Variants in MTO1 observed in about 807,000 individuals in gnomAD.
MTO1 encodes the protein mitochondrial tRNA translation optimization 1, also known as 5-taurinomethyluridine-[tRNA] synthase subunit MTO1, mitochondrial.
A neutral mutation model predicts 71.6 loss-of-function variants in MTO1; 46 were observed. That is an observed-to-expected ratio of 0.64 (90% confidence interval 0.51 to 0.82). The LOEUF (loss-of-function observed/expected upper bound fraction) is 0.82, where lower values mean the gene tolerates loss of function less well. MTO1 is among the 40% of genes least tolerant of loss of function. The pLI, the probability that MTO1 is intolerant of heterozygous loss-of-function variation, is 0.00. For synonymous variants in MTO1, 297 were observed against 312.1 expected (o/e 0.95, Z 0.51); for missense variants, 773 against 867.5 (o/e 0.89, Z 1.37).
At position 73,462,232 on chromosome 6, in the gene MTO1, G is replaced by T. The variant is rs948781664; in HGVS notation, c.217+161G>T. 15 of 749,846 alleles carry T rather than the reference G, an allele frequency of 2.0e-5. No individual in the cohort carries two copies. The East Asian group carries it at 4.1e-4, about 20-fold the overall frequency. 46.4% of individuals were successfully genotyped at this position (749,846 alleles called of 1,614,324 possible). A position where few individuals can be genotyped will look rare whatever the true frequency, so the allele number is the denominator to read the frequency against. On this transcript the variant is annotated intron_variant, in intron 1 of 11. Transcript: ENST00000498286. ...ATCAGTGTCTCGCAAGGATCAGGCG[G>T]GCCAGGCCAGAACTCTATATTAGTC...
At chr6:73,490,827 C>G (rs1289729139) in intron 9 of MTO1, among the ~76,000 whole-genome samples, 1 of 151,500 alleles carries the variant, frequency 6.6e-6, no homozygotes, top group Non-Finnish European at 1.5e-5. Context: ...AGTGACCTAG[C>G]TAGGTCCATT....
At chr6:73,488,952 A>G (rs1771733748) in intron 9 of MTO1, among the ~76,000 whole-genome samples, 1 of 152,152 alleles carries the variant, frequency 6.6e-6, no homozygotes, top group African/African-American at 2.4e-5. Context: ...AAATGGATCT[A>G]GTTCCATTTG....
rs1285717715 is a variant in MTO1 at position 73,503,949 on chromosome 6, TCC to T, written c.*3215_*3216del. 6.6e-6 allele frequency: 1 copy of T among 152,128 alleles called. No homozygotes were observed. Among genetic ancestry groups the T allele is most frequent in the Non-Finnish European group, 1.5e-5 (1 of 68,016 alleles). The allele number at this position is 152,128 out of a possible 1,614,324, so 9.4% of individuals were successfully genotyped here. A position where few individuals can be genotyped will look rare whatever the true frequency, so the allele number is the denominator to read the frequency against. On this transcript the variant is annotated 3_prime_UTR_variant, in exon 12 of 12. Coordinates refer to ENST00000498286, the MANE Select transcript of MTO1 (RefSeq NM_012123.4). ...GCTTTTCTACTTCAGAAATTTCAAC[TCC>T]TAGAAGAATGCCCTGTCCAGAAGAA...
chr6:73,494,429 A>C (rs1347297509), intron 10 of MTO1, among the ~76,000 whole-genome samples: 1 of 152,066 alleles, frequency 6.6e-6, no homozygotes, highest in Non-Finnish European at 1.5e-5. Context: ...AACCAGCCAG[A>C]ATGGTGATCA....
chr6:73,466,607 G>A lies in MTO1; in HGVS notation c.535+1G>A. On this transcript the variant is annotated splice_donor_variant, in intron 3 of 11. Coordinates refer to ENST00000498286, the MANE Select transcript of MTO1 (RefSeq NM_012123.4). LOFTEE classifies it high-confidence loss of function. ...TGCCGTGTCAGTGGGGTTGTTTTGG[G>A]TACGTATTGGTTATAGATGGTGTAT... is the stretch of plus-strand genomic sequence containing the variant. 6.2e-7 allele frequency: 1 copy of A among 1,608,628 alleles called. No individual in the cohort carries two copies. The highest frequency in any genetic ancestry group is 2.2e-5 in the East Asian group (1 of 44,850).
intron 11 of MTO1, 54 bp downstream of exon 11, chr6:73,497,950 T>A: frequency 3.4e-6 from 5 of 1,482,292 alleles, no homozygotes; most frequent in Non-Finnish European, 4.6e-6. Context: ...ATACAGTGCT[T>A]TAATTTTTTA....
intron 9 of MTO1, among the ~76,000 whole-genome samples, chr6:73,484,738 A>G (rs1019341786): frequency 6.6e-6 from 1 of 152,146 alleles, no homozygotes; most frequent in Non-Finnish European, 1.5e-5. Flanking sequence ...GAGGGTTCAC[A>G]TTATTTCAAA....
At chr6:73,469,304 T>C (rs1189016553) in intron 3 of MTO1, among the ~76,000 whole-genome samples, 5 of 151,266 alleles carry the variant, frequency 3.3e-5, no homozygotes, top group Non-Finnish European at 7.4e-5. Context: ...AGGCATGAGC[T>C]GCCATGCCCA....
At chr6:73,498,596 G>A (rs1772066079) in intron 11 of MTO1, among the ~76,000 whole-genome samples, 1 of 151,886 alleles carries the variant, frequency 6.6e-6, no homozygotes, top group Admixed American at 6.6e-5. Context: ...GTTCCTTTGT[G>A]TAAACAAATA....
At chr6:73,485,183 G>A (rs745972138) in intron 9 of MTO1, among the ~76,000 whole-genome samples, 2 of 152,076 alleles carry the variant, frequency 1.3e-5, no homozygotes, top group African/African-American at 4.8e-5. Context: ...GGAAGTGATC[G>A]TTTTCAGCAG....
rs1476471689 is a variant in MTO1 at position 73,507,669 on chromosome 6, C to T, written c.*6934C>T. The T allele has an allele frequency of 6.6e-6, 1 of 152,210 alleles. No individual in the cohort carries two copies. Among genetic ancestry groups the T allele is most frequent in the Non-Finnish European group, 1.5e-5 (1 of 68,056 alleles). 9.4% of individuals were successfully genotyped at this position (152,210 alleles called of 1,614,324 possible). A position where few individuals can be genotyped will look rare whatever the true frequency, so the allele number is the denominator to read the frequency against. Reference sequence around the variant, plus strand: ...TTCCCTCCTAGGGACCAGAGGTCCTCTACTGGATTAAAAGTTTCTCCATCC... The same window carrying T: ...TTCCCTCCTAGGGACCAGAGGTCCTTTACTGGATTAAAAGTTTCTCCATCC... On this transcript the variant is annotated 3_prime_UTR_variant, in exon 12 of 12. Coordinates refer to ENST00000498286, the MANE Select transcript of MTO1 (RefSeq NM_012123.4).
At chr6:73,498,937 T>C (rs1450645424) in intron 11 of MTO1, among the ~76,000 whole-genome samples, 4 of 152,028 alleles carry the variant, frequency 2.6e-5, no homozygotes, top group South Asian at 4.2e-4. Context: ...CCATGTTGGC[T>C]GGGATGGTCT....
intron 10 of MTO1, among the ~76,000 whole-genome samples, chr6:73,494,112 A>C (rs969326403): frequency 1.3e-5 from 2 of 151,842 alleles, no homozygotes; most frequent in African/African-American, 2.4e-5. Context: ...GCAGGCACCT[A>C]TAATCCCAGC....
intron 4 of MTO1, among the ~76,000 whole-genome samples, chr6:73,478,788 C>T (rs978086414): frequency 6.6e-6 from 1 of 152,066 alleles, no homozygotes; most frequent in Non-Finnish European, 1.5e-5. Flanking sequence ...GTGATCCACA[C>T]ACCTTGGCCT....
chr6:73,462,684 C>T (rs1057217722), intron 1 of MTO1, among the ~76,000 whole-genome samples: 1 of 152,152 alleles, frequency 6.6e-6, no homozygotes, highest in Admixed American at 6.6e-5. Context: ...GCCGAGATTG[C>T]GCCACTTCAC....
At position 73,466,197 on chromosome 6, in the gene MTO1, T is replaced by C. The variant is rs760248355; in HGVS notation, c.218-12T>C. 1 of 1,602,776 alleles carries C rather than the reference T, an allele frequency of 6.2e-7. No homozygotes were observed. Among genetic ancestry groups the C allele is most frequent in the South Asian group, 1.1e-5 (1 of 90,804 alleles). ...CTCATATATTTATTTTGTTTATGTC[T>C]ATTATCTTTAGGTCAGATGTCATGT... On this transcript the variant is annotated splice_polypyrimidine_tract_variant and intron_variant, in intron 1 of 11. Coordinates refer to ENST00000498286, the MANE Select transcript of MTO1 (RefSeq NM_012123.4).
At chr6:73,481,946 C>A in intron 7 of MTO1, 94 bp from the exon 8 acceptor site, 2 of 1,364,694 alleles carry the variant, frequency 1.5e-6, no homozygotes, top group South Asian at 1.2e-5. Flanking sequence ...TGCTTTCTTC[C>A]TGTCCCATGC....
Position 73,480,339 on chromosome 6 carries a change from C to A in MTO1, c.1129+213C>A, listed in dbSNP as rs562697886. On this transcript the variant is annotated intron_variant, in intron 6 of 11. Transcript: ENST00000498286. ...CCAGGATGGAGTGCAATGGTGCGATCTCGGCTCACCACAACCTCCCCCTGC... is the reference window on the plus strand; with the variant it reads ...CCAGGATGGAGTGCAATGGTGCGATATCGGCTCACCACAACCTCCCCCTGC... 5 of 697,648 alleles carry A rather than the reference C, an allele frequency of 7.2e-6. No individual in the cohort carries two copies. The African/African-American group carries it at 8.7e-5, about 12-fold the overall frequency. The allele number at this position is 697,648 out of a possible 1,614,324, so 43.2% of individuals were successfully genotyped here.
intron 3 of MTO1, chr6:73,471,612 C>T (rs1192161919): frequency 6.7e-6 from 2 of 299,312 alleles, no homozygotes; most frequent in Admixed American, 9.6e-5. Flanking sequence ...AGATGGGGGT[C>T]TCACTATGTT....
Sources: gnomAD v4.1 joint callset for allele counts (sites outside exome capture counted in the v4.1 genomes callset) on GRCh38, gnomAD v4.1.1 for gene constraint, MANE v1.5 for transcripts, NCBI Gene and HGNC (gene_info 2026-07-23, HGNC 2026-07-21) for gene names.